Variants in DUSP10 observed in about 807,000 individuals in gnomAD.
The protein encoded by DUSP10 is dual specificity phosphatase 10.
In DUSP10, 14 loss-of-function variants were observed where a neutral mutation model predicts 30.8. That is an observed-to-expected ratio of 0.46 (90% confidence interval 0.30 to 0.71). DUSP10 has a LOEUF of 0.71. Ranked by LOEUF, DUSP10 falls within the 30% of genes least tolerant of loss-of-function variation. The probability of loss-of-function intolerance (pLI) is 0.08; values close to 1 mark genes in which losing one functional copy is unlikely to be tolerated. For missense variants in DUSP10, 550 were observed against 619.4 expected (o/e 0.89, Z 1.19); for synonymous variants, 254 against 250.4 (o/e 1.01, Z -0.14).
intron 2 of DUSP10, among the ~76,000 whole-genome samples, chr1:221,735,630 A>G (rs1414977637): frequency 2.0e-5 from 3 of 152,224 alleles, no homozygotes; most frequent in African/African-American, 7.2e-5. Context: ...ATGGATGTTC[A>G]TTACACACTT....
intron 2 of DUSP10, among the ~76,000 whole-genome samples, chr1:221,724,882 C>A (rs1048434251): frequency 6.6e-6 from 1 of 152,236 alleles, no homozygotes; most frequent in East Asian, 1.9e-4. Flanking sequence ...GCTCTCTGAT[C>A]GATTAACTAC....
At chr1:221,703,773 A>T (rs1007431981) in intron 3 of DUSP10, among the ~76,000 whole-genome samples, 1 of 152,196 alleles carries the variant, frequency 6.6e-6, no homozygotes, top group African/African-American at 2.4e-5. Flanking sequence ...AAGGAACACC[A>T]ATTAGATAAA....
chr1:221,721,905 G>A (rs1366555653), intron 2 of DUSP10, among the ~76,000 whole-genome samples: 1 of 152,128 alleles, frequency 6.6e-6, no homozygotes, highest in Non-Finnish European at 1.5e-5. Context: ...GATCTAGGTG[G>A]GCCCTCTCAA....
chr1:221,726,307 G>A (rs1376718994), intron 2 of DUSP10, among the ~76,000 whole-genome samples: 1 of 152,118 alleles, frequency 6.6e-6, no homozygotes, highest in Non-Finnish European at 1.5e-5. Flanking sequence ...TCCTTCAAGA[G>A]GTTTCTCTTG....
chr1:221,712,881 G>C (rs1660982852), intron 2 of DUSP10, among the ~76,000 whole-genome samples: 2 of 151,268 alleles, frequency 1.3e-5, no homozygotes, highest in Admixed American at 1.3e-4. Context: ...AGTATTCTGG[G>C]CTATCTTTCC....
chr1:221,725,521 A>G (rs1464789069), intron 2 of DUSP10, among the ~76,000 whole-genome samples: 1 of 152,248 alleles, frequency 6.6e-6, no homozygotes, highest in Non-Finnish European at 1.5e-5. Flanking sequence ...TAGTAAGTGT[A>G]CATGAATAGA....
Position 221,706,383 on chromosome 1 carries a change from C to T in DUSP10, c.895G>A (p.Gly299Ser), listed in dbSNP as rs200217233. ...QLQECREVGG[G>S]ASAASSLLPQ... ...AGCAAGCTCGAGGCCGCGGATGCGC[C>T]GCCCCCCACCTCCCGGCACTCTTGG... Residue 299 changes from glycine (G) to serine (S), a missense_variant, in exon 3 of 4, where the codon GGC becomes AGC. Physicochemically the swap from Gly to Ser is moderately conservative, Grantham distance 56 (BLOSUM62 0). Coordinates refer to ENST00000366899, the MANE Select transcript of DUSP10 (RefSeq NM_007207.6). This position sits in a 1 kb window ranked among gnomAD's most constrained non-coding sequence, Gnocchi z 4.6. 29 of 1,584,016 alleles carry T rather than the reference C, an allele frequency of 1.8e-5. No individual in the cohort carries two copies. The East Asian group carries it at 3.1e-4, about 17-fold the overall frequency.
chr1:221,712,498 T>C (rs1419343703), intron 2 of DUSP10, among the ~76,000 whole-genome samples: 1 of 152,062 alleles, frequency 6.6e-6, no homozygotes, highest in African/African-American at 2.4e-5. Context: ...ATGCCTTATG[T>C]TTGAAAAGAC....
rs536333421 is a variant in DUSP10 at position 221,740,954 on chromosome 1, A to T, written c.-44+1027T>A. 1.8e-3 allele frequency among the ~76,000 whole-genome samples: 270 copies of T among 152,314 alleles called. 3 individuals carry two copies. The highest frequency in any genetic ancestry group is 6.3e-3 in the African/African-American group (260 of 41,570). On this transcript the variant is annotated intron_variant, in intron 1 of 3. Coordinates refer to ENST00000366899, the MANE Select transcript of DUSP10 (RefSeq NM_007207.6). The stretch of plus-strand genomic sequence containing the variant: ...CAAAGACGCCAAACCCCACGCCAAG[A>T]GACGCTCACCTAAACGAACTTTAAG...
intron 3 of DUSP10, among the ~76,000 whole-genome samples, chr1:221,703,199 GTA>G (rs1553265038): frequency 1.2e-4 from 16 of 133,138 alleles, no homozygotes; most frequent in South Asian, 4.5e-4. Flanking sequence ...GTATGTGTGT[GTA>G]TGTGTGTGTG....
intron 3 of DUSP10, among the ~76,000 whole-genome samples, chr1:221,703,692 T>C (rs1660675667): frequency 6.6e-6 from 1 of 152,192 alleles, no homozygotes; most frequent in African/African-American, 2.4e-5. Context: ...GACAATAGCA[T>C]GTGGGCACTA....
At chr1:221,715,541 G>A (rs1362274585) in intron 2 of DUSP10, among the ~76,000 whole-genome samples, 1 of 152,210 alleles carries the variant, frequency 6.6e-6, no homozygotes, top group Non-Finnish European at 1.5e-5. Flanking sequence ...AATAACTAAT[G>A]TTTGAGCTAC....
chr1:221,737,155 C>T (rs1661800175), intron 2 of DUSP10: 1 of 985,326 alleles, frequency 1.0e-6, no homozygotes, highest in African/African-American at 1.7e-5. Context: ...GTAGGGTCTG[C>T]AACTCCTTGT....
Position 221,702,194 on chromosome 1 carries a change from C to G in DUSP10, c.*218G>C. ...GGCTTAAAAAAATTACTTCTTTAAC[C>G]TCCTTAATTTGTCAGTTTGTGGGAG... On this transcript the variant is annotated 3_prime_UTR_variant, in exon 4 of 4. Transcript: ENST00000366899. The surrounding 1 kb of genome is among the most constrained non-coding windows in gnomAD (Gnocchi z 4.5). The G allele has an allele frequency of 3.7e-6, 2 of 537,566 alleles. No homozygotes were observed. Among genetic ancestry groups the G allele is most frequent in the Non-Finnish European group, 6.5e-6 (2 of 308,550 alleles). 33.3% of individuals were successfully genotyped at this position (537,566 alleles called of 1,614,324 possible).
rs1391748487 is a variant in DUSP10, at chr1:221,725,385, TCCCAA to T, written c.811+13544_811+13548del. The stretch of plus-strand genomic sequence containing the variant: ...ATAATGATATACCACATTCAGCTCC[TCCCAA>T]TCTTTGTAAGAGAGGGCTTCCTGGA... On this transcript the variant is annotated intron_variant, in intron 2 of 3. Transcript: ENST00000366899. Among the ~76,000 whole-genome samples the T allele has an allele frequency of 7.2e-5, 11 of 152,298 alleles. No homozygotes were observed. The East Asian group carries it at 1.9e-3, about 27-fold the overall frequency.
chr1:221,730,246 T>C (rs1196002985), intron 2 of DUSP10, among the ~76,000 whole-genome samples: 1 of 152,248 alleles, frequency 6.6e-6, no homozygotes, highest in Admixed American at 6.5e-5. Flanking sequence ...AGTGATGTTC[T>C]GATGCAAAAC....
chr1:221,704,453 A>G (rs776615978), intron 3 of DUSP10, among the ~76,000 whole-genome samples: 2 of 152,192 alleles, frequency 1.3e-5, no homozygotes, highest in Admixed American at 6.5e-5. Flanking sequence ...ACTTCCTCCA[A>G]CTGGAGTTAA....
chr1:221,702,697 C>T lies in DUSP10; in HGVS notation c.1184-20G>A. The stretch of plus-strand genomic sequence containing the variant: ...CTTCCTCTGAAAAAAGGGAGAAAGA[C>T]AAGAGATGAAGGGAAGATGGAAGAG... On this transcript the variant is annotated intron_variant, in intron 3 of 3. Coordinates refer to ENST00000366899, the MANE Select transcript of DUSP10 (RefSeq NM_007207.6). This position sits in a 1 kb window ranked among gnomAD's most constrained non-coding sequence, Gnocchi z 4.5. The T allele has an allele frequency of 6.2e-7, 1 of 1,611,640 alleles. No individual in the cohort carries two copies. Among genetic ancestry groups the T allele is most frequent in the Middle Eastern group, 1.7e-4 (1 of 6,046 alleles).
chr1:221,708,646 G>A (rs1285598299), intron 2 of DUSP10, among the ~76,000 whole-genome samples: 2 of 152,164 alleles, frequency 1.3e-5, no homozygotes, highest in Non-Finnish European at 2.9e-5. Flanking sequence ...AACCTGAAGA[G>A]ATAATTCTGA....
Sources: allele counts gnomAD v4.1 joint callset (sites outside exome capture counted in the v4.1 genomes callset), GRCh38; gene constraint gnomAD v4.1.1; non-coding constraint Gnocchi (gnomAD v3.1); transcripts MANE v1.5; gene names NCBI Gene and HGNC (gene_info 2026-07-23, HGNC 2026-07-21).